ZNF385D: variants seen among roughly 807,000 people sequenced by gnomAD.
ZNF385D encodes zinc finger protein 385D, also known as zinc finger protein 659.
A neutral mutation model predicts 35.8 loss-of-function variants in ZNF385D; 15 were observed. The observed-to-expected ratio is 0.42, with a 90% CI of 0.28 to 0.64. ZNF385D has a LOEUF of 0.64. ZNF385D is among the 30% of genes least tolerant of loss of function. ZNF385D has a pLI of 0.23. For missense variants in ZNF385D, 474 were observed against 494.6 expected, an observed-to-expected ratio of 0.96 and a Z score of 0.39; for synonymous variants, 212 against 186.8, an observed-to-expected ratio of 1.13 and a Z score of -1.10.
chr3:21,751,058 C>T lies in ZNF385D; in HGVS notation c.-142G>A, dbSNP rs1029285121. ...AGCAGTGAGCGCCGAGAGCGTGCCT[C>T]CTCCGCGGGATGAGCGCCTTGCAGG... On this transcript the variant is annotated 5_prime_UTR_variant, in exon 1 of 8. Coordinates refer to ENST00000281523, the MANE Select transcript of ZNF385D (RefSeq NM_024697.3). The T allele has an allele frequency of 2.0e-6, 3 of 1,534,998 alleles. No homozygotes were observed. Among genetic ancestry groups the T allele is most frequent in the Non-Finnish European group, 2.6e-6 (3 of 1,140,738 alleles).
chr3:21,814,266 C>G (rs529646716), intron 3 of ZNF385D, among the ~76,000 whole-genome samples: 1 of 152,122 alleles, frequency 6.6e-6, no homozygotes, highest in African/African-American at 2.4e-5. Flanking sequence ...TAAAGACCAT[C>G]GATGTTAGGA....
At chr3:21,910,276 C>A (rs1699898894) in intron 3 of ZNF385D, among the ~76,000 whole-genome samples, 1 of 151,894 alleles carries the variant, frequency 6.6e-6, no homozygotes, top group South Asian at 2.1e-4. Context: ...TCTGTGTGTT[C>A]ATTATATAGG....
intron 2 of ZNF385D, among the ~76,000 whole-genome samples, chr3:22,328,567 A>G (rs1694781608): frequency 1.3e-5 from 2 of 151,912 alleles, no homozygotes; most frequent in African/African-American, 2.4e-5. Flanking sequence ...TATCGAGACC[A>G]TCCTGGCCAA....
chr3:22,335,021 C>CTTG (rs1324161452), intron 2 of ZNF385D, among the ~76,000 whole-genome samples: 1 of 151,908 alleles, frequency 6.6e-6, no homozygotes, highest in Non-Finnish European at 1.5e-5. Context: ...ATTCTATGAG[C>CTTG]CAAGTATAGT....
intron 3 of ZNF385D, among the ~76,000 whole-genome samples, chr3:21,852,093 T>C (rs1390055984): frequency 6.6e-6 from 1 of 152,084 alleles, no homozygotes; most frequent in African/African-American, 2.4e-5. Flanking sequence ...AAAATGTATT[T>C]TCTGAATGGA....
At chr3:21,763,718 A>T (rs1179582758) in intron 3 of ZNF385D, among the ~76,000 whole-genome samples, 3 of 152,154 alleles carry the variant, frequency 2.0e-5, no homozygotes, top group Non-Finnish European at 4.4e-5. Context: ...GCCTTGGAAA[A>T]ATCTGTGATG....
chr3:22,183,777 C>T (rs986744616), intron 2 of ZNF385D, among the ~76,000 whole-genome samples: 30 of 151,658 alleles, frequency 2.0e-4, no homozygotes, highest in African/African-American at 7.0e-4. Context: ...TAAAATGGAA[C>T]TTGGCAAAAT....
At chr3:21,609,960 C>T (rs180731199) in intron 2 of ZNF385D, among the ~76,000 whole-genome samples, 46 of 152,232 alleles carry the variant, frequency 3.0e-4, no homozygotes, top group Non-Finnish European at 4.7e-4. Flanking sequence ...TTTCCAGTTG[C>T]GCAGGCAAAT....
chr3:22,047,824 C>T (rs1699096275), intron 3 of ZNF385D, among the ~76,000 whole-genome samples: 1 of 152,084 alleles, frequency 6.6e-6, no homozygotes, highest in South Asian at 2.1e-4. Context: ...AATTTTCATA[C>T]TGTTTTCCAT....
chr3:21,791,736 T>G (rs1282622014), intron 3 of ZNF385D, among the ~76,000 whole-genome samples: 1 of 151,864 alleles, frequency 6.6e-6, no homozygotes, highest in Non-Finnish European at 1.5e-5. Flanking sequence ...GATCTAATCG[T>G]TTTTTTTGGT....
intron 3 of ZNF385D, among the ~76,000 whole-genome samples, chr3:21,783,108 A>T (rs1241616965): frequency 6.6e-6 from 1 of 152,190 alleles, no homozygotes; most frequent in Non-Finnish European, 1.5e-5. Context: ...TTTCAAGATC[A>T]ACATAGGAGG....
At chr3:22,099,152 TA>T (rs2125620203) in intron 3 of ZNF385D, among the ~76,000 whole-genome samples, 1 of 152,202 alleles carries the variant, frequency 6.6e-6, no homozygotes, top group East Asian at 1.9e-4. Flanking sequence ...TCAATGTGAC[TA>T]TGTCAGTTGA....
intron 3 of ZNF385D, among the ~76,000 whole-genome samples, chr3:21,821,675 A>C (rs774657312): frequency 1.2e-4 from 19 of 152,206 alleles, no homozygotes; most frequent in Admixed American, 1.0e-3. Flanking sequence ...CAAAAACTAA[A>C]AAGTTGGCTA....
intron 4 of ZNF385D, 66 bp from the exon 5 acceptor site, chr3:21,437,269 T>G: frequency 7.1e-7 from 1 of 1,412,926 alleles, no homozygotes; most frequent in Non-Finnish European, 9.7e-7. Flanking sequence ...TATTCAGGAA[T>G]GTATCATGAA....
intron 2 of ZNF385D, among the ~76,000 whole-genome samples, chr3:22,326,162 T>A (rs532097171): frequency 1.3e-5 from 2 of 152,342 alleles, no homozygotes; most frequent in East Asian, 3.9e-4. Context: ...TTTCCATTTA[T>A]TAAACCAGAG....
intron 1 of ZNF385D, among the ~76,000 whole-genome samples, chr3:21,740,323 C>T (rs2069451038): frequency 6.6e-6 from 1 of 152,160 alleles, no homozygotes; most frequent in African/African-American, 2.4e-5. Context: ...GAACATTTAA[C>T]GTCTGGGAGC....
At chr3:21,880,255 T>A (rs534422632) in intron 3 of ZNF385D, among the ~76,000 whole-genome samples, 1 of 152,126 alleles carries the variant, frequency 6.6e-6, no homozygotes, top group East Asian at 1.9e-4. Context: ...TTATTGCACT[T>A]TGCTTTACTG....
chr3:21,939,156 G>A (rs1701398635), intron 3 of ZNF385D, among the ~76,000 whole-genome samples: 1 of 152,134 alleles, frequency 6.6e-6, no homozygotes, highest in Non-Finnish European at 1.5e-5. Context: ...CAAGAATGGT[G>A]GTAAAGTCCC....
chr3:21,723,644 A>G (rs774510942), intron 1 of ZNF385D, among the ~76,000 whole-genome samples: 2 of 152,230 alleles, frequency 1.3e-5, no homozygotes, highest in African/African-American at 2.4e-5. Flanking sequence ...GAAATATGGG[A>G]CTATGTGAAA....
Sources: allele counts gnomAD v4.1 joint callset (sites outside exome capture counted in the v4.1 genomes callset), GRCh38; gene constraint gnomAD v4.1.1; transcripts MANE v1.5; gene names NCBI Gene and HGNC (gene_info 2026-07-23, HGNC 2026-07-21).